KICS2: variants seen among roughly 807,000 people sequenced by gnomAD.
KICS2 encodes KICSTOR subunit 2.
KICS2 carries 13 observed loss-of-function variants against 31.4 expected under a neutral mutation model. That is an observed-to-expected ratio of 0.41 (90% confidence interval 0.27 to 0.66). KICS2 has a LOEUF of 0.66. Among genes scored for constraint, KICS2 ranks in the 30% least tolerant of loss-of-function variants. The pLI, the probability that KICS2 is intolerant of heterozygous loss-of-function variation, is 0.28. For synonymous variants in KICS2, 209 were observed against 214.8 expected (o/e 0.97, Z 0.24); for missense variants, 455 against 545.4 (o/e 0.83, Z 1.65).
downstream of KICS2, chr12:64,186,508 T>G (rs144263074): frequency 3.9e-5 from 6 of 152,226 alleles, no homozygotes; most frequent in Admixed American, 6.5e-5. Flanking sequence ...AAAACTCTAT[T>G]GTACCAACAT....
chr12:64,206,254 C>T lies in KICS2; in HGVS notation c.521+9424G>A, dbSNP rs2037538269. Among the ~76,000 whole-genome samples the T allele has an allele frequency of 2.6e-5, 4 of 152,152 alleles. No homozygotes were observed. The South Asian group carries it at 8.3e-4, about 32-fold the overall frequency. Reference sequence around the variant, plus strand: ...AATTTTTTTTTTCACATGTGCAGAACATGCAGCTTTGGTACATAGGCATAT... The same window carrying T: ...AATTTTTTTTTTCACATGTGCAGAATATGCAGCTTTGGTACATAGGCATAT... On this transcript the variant is annotated intron_variant, in intron 2 of 2. Coordinates refer to ENST00000398055, the MANE Select transcript of KICS2 (RefSeq NM_152440.5).
Position 64,193,615 on chromosome 12 carries a change from C to A in KICS2, c.*227G>T. 1 of 1,355,740 alleles carries A rather than the reference C, an allele frequency of 7.4e-7. No homozygotes were observed. The highest frequency in any genetic ancestry group is 2.0e-5 in the South Asian group (1 of 50,320). 84.0% of individuals were successfully genotyped at this position (1,355,740 alleles called of 1,614,324 possible). On this transcript the variant is annotated 3_prime_UTR_variant, in exon 3 of 3. Coordinates refer to ENST00000398055, the MANE Select transcript of KICS2 (RefSeq NM_152440.5). ...AAAATACTGAAACTACTTTGCTGTACCATGGAGACACATGGTAGCCCATGA... is the reference window on the plus strand; with the variant it reads ...AAAATACTGAAACTACTTTGCTGTAACATGGAGACACATGGTAGCCCATGA...
Position 64,191,792 on chromosome 12 carries a change from A to AAG in KICS2, c.*2049_*2050insCT. Reference sequence around the variant, plus strand: ...GACCATTTTTAAAGAAAAAGAAAGGAGGCCAGGTGCAGTGGCACATGCTTA... The same window carrying AAG: ...GACCATTTTTAAAGAAAAAGAAAGGAAGGGCCAGGTGCAGTGGCACATGCTTA... On this transcript the variant is annotated 3_prime_UTR_variant, in exon 3 of 3. Coordinates refer to ENST00000398055, the MANE Select transcript of KICS2 (RefSeq NM_152440.5). 6.6e-6 allele frequency: 1 copy of AAG among 152,192 alleles called. No individual in the cohort carries two copies. Among genetic ancestry groups the AAG allele is most frequent in the African/African-American group, 2.4e-5 (1 of 41,456 alleles). 9.4% of individuals were successfully genotyped at this position (152,192 alleles called of 1,614,324 possible).
At chr12:64,219,835 C>T (rs1301617156) in intron 1 of KICS2, among the ~76,000 whole-genome samples, 1 of 152,096 alleles carries the variant, frequency 6.6e-6, no homozygotes, top group Non-Finnish European at 1.5e-5. Context: ...TTTAAACGCA[C>T]GCATAAACTT....
Position 64,193,924 on chromosome 12 carries a change from A to C in KICS2, c.1256T>G (p.Phe419Cys), listed in dbSNP as rs1339539751. 1 of 1,614,220 alleles carries C rather than the reference A, an allele frequency of 6.2e-7. No individual in the cohort carries two copies. Among genetic ancestry groups the C allele is most frequent in the Admixed American group, 1.7e-5 (1 of 60,030 alleles). ...ESKKSERDSHFISFLNEVSLA... is the reference protein window; with the variant it reads ...ESKKSERDSHCISFLNEVSLA... ...TGAGACCTCATTGAGGAAGGAAATA[A>C]AGTGGGAGTCTCTCTCAGATTTCTT... The change falls in exon 3 of 3, where the codon TTT becomes TGT. Residue 419 changes from phenylalanine (F) to cysteine (C), a missense_variant. Transcript: ENST00000398055.
chr12:64,187,373 C>T (rs1344582577), downstream of KICS2: 2 of 499,070 alleles, frequency 4.0e-6, no homozygotes, highest in Non-Finnish European at 7.0e-6. Flanking sequence ...GAAGGGGGAA[C>T]CCATTTGCAT....
At chr12:64,204,567 T>G (rs1469005919) in intron 2 of KICS2, among the ~76,000 whole-genome samples, 49 of 152,126 alleles carry the variant, frequency 3.2e-4, no homozygotes, top group Admixed American at 3.1e-3. Context: ...AGGAGGATCA[T>G]TAGGAGCCCA....
chr12:64,220,669 T>C (rs61931254), intron 1 of KICS2, among the ~76,000 whole-genome samples: 8,865 of 152,214 alleles, frequency 0.058, 346 homozygotes, highest in Middle Eastern at 0.088. Flanking sequence ...CACCCCATTT[T>C]CACATATATA....
chr12:64,194,425 G>A lies in KICS2; in HGVS notation c.755C>T (p.Pro252Leu). 1 of 1,614,190 alleles carries A rather than the reference G, an allele frequency of 6.2e-7. No individual in the cohort carries two copies. The highest frequency in any genetic ancestry group is 8.5e-7 in the Non-Finnish European group (1 of 1,180,038). Residue 252 changes from proline to leucine, a missense_variant, in exon 3 of 3, where the codon CCA becomes CTA. Pro to Leu is a moderately conservative substitution (Grantham distance 98, BLOSUM62 -3). Coordinates refer to ENST00000398055, the MANE Select transcript of KICS2 (RefSeq NM_152440.5). ...TTTCATCAGCCAAAGGAAAAGGTGT[G>A]GAGGCTGCACGGCCTTCTGAGACTG... is the stretch of plus-strand genomic sequence containing the variant. ...GGQSQKAVQP[P>L]HLFLWLMKLK...
rs1172271796 is a variant in KICS2 at position 64,192,201 on chromosome 12, TG to T, written c.*1640del. 1 of 151,834 alleles carries T rather than the reference TG, an allele frequency of 6.6e-6. No individual in the cohort carries two copies. The highest frequency in any genetic ancestry group is 2.4e-5 in the African/African-American group (1 of 41,272). 9.4% of individuals were successfully genotyped at this position (151,834 alleles called of 1,614,324 possible). The stretch of plus-strand genomic sequence containing the variant: ...GTGCAGCTGCACAGTCTCAGCTCAC[TG>T]CATCCTCCACCTCCCAGGTTCAAGC... On this transcript the variant is annotated 3_prime_UTR_variant, in exon 3 of 3. Coordinates refer to ENST00000398055, the MANE Select transcript of KICS2 (RefSeq NM_152440.5).
rs1464231139 is a variant in KICS2, at chr12:64,193,283, T to C, written c.*559A>G. Reference sequence around the variant, plus strand: ...CTACCAATCTGACTCACTTTCAGTTTCAATAACTGATAGAAATTTCTTACC... The same window carrying C: ...CTACCAATCTGACTCACTTTCAGTTCCAATAACTGATAGAAATTTCTTACC... On this transcript the variant is annotated 3_prime_UTR_variant, in exon 3 of 3. Coordinates refer to ENST00000398055, the MANE Select transcript of KICS2 (RefSeq NM_152440.5). 3.6e-5 allele frequency: 35 copies of C among 985,808 alleles called. No homozygotes were observed. The highest frequency in any genetic ancestry group is 4.0e-5 in the Non-Finnish European group (33 of 830,320). The allele number at this position is 985,808 out of a possible 1,614,324, so 61.1% of individuals were successfully genotyped here.
At chr12:64,221,957 C>A in intron 1 of KICS2, 46 bp downstream of exon 1, 1 of 1,572,658 alleles carries the variant, frequency 6.4e-7, no homozygotes, top group South Asian at 1.2e-5. Flanking sequence ...GGAATATACC[C>A]CCTTTACTTC....
intron 2 of KICS2, among the ~76,000 whole-genome samples, chr12:64,212,891 A>T (rs1029781334): frequency 3.3e-5 from 5 of 152,140 alleles, no homozygotes; most frequent in African/African-American, 1.2e-4. Context: ...GGAGTTTGAG[A>T]CCAGCCTGGG....
intron 1 of KICS2, 38 bp downstream of exon 1, chr12:64,221,965 T>C: frequency 2.9e-6 from 4 of 1,386,056 alleles, no homozygotes; most frequent in Non-Finnish European, 4.0e-6. Flanking sequence ...CCCCCTTTAC[T>C]TCCTCCTCAA....
At chr12:64,206,888 G>T (rs939138759) in intron 2 of KICS2, among the ~76,000 whole-genome samples, 1 of 152,130 alleles carries the variant, frequency 6.6e-6, no homozygotes, top group Non-Finnish European at 1.5e-5. Context: ...GGGCTGGGAG[G>T]GGGGAAAATG....
At chr12:64,218,128 T>C (rs1250233816) in intron 1 of KICS2, among the ~76,000 whole-genome samples, 1 of 152,204 alleles carries the variant, frequency 6.6e-6, no homozygotes, top group Non-Finnish European at 1.5e-5. Flanking sequence ...GTGACACCAA[T>C]ATCTCATACG....
downstream of KICS2, among the ~76,000 whole-genome samples, chr12:64,188,730 G>T (rs182494470): frequency 3.9e-5 from 6 of 152,162 alleles, 1 homozygote; most frequent in South Asian, 6.2e-4. Context: ...GGGAGAAAAC[G>T]GCTGCTTTAT....
Position 64,193,332 on chromosome 12 carries a change from A to C in KICS2, c.*510T>G, listed in dbSNP as rs1163351601. The C allele has an allele frequency of 8.1e-6, 8 of 985,478 alleles. No homozygotes were observed. The highest frequency in any genetic ancestry group is 9.6e-6 in the Non-Finnish European group (8 of 830,084). 61.0% of individuals were successfully genotyped at this position (985,478 alleles called of 1,614,324 possible). Reference sequence around the variant, plus strand: ...CCAAGACCCTAATTTTGGCATCAAAAATGTTAATTTGTAGATCAGAATCAT... The same window carrying C: ...CCAAGACCCTAATTTTGGCATCAAACATGTTAATTTGTAGATCAGAATCAT... On this transcript the variant is annotated 3_prime_UTR_variant, in exon 3 of 3. Coordinates refer to ENST00000398055, the MANE Select transcript of KICS2 (RefSeq NM_152440.5).
rs1252794283 is a variant in KICS2, at chr12:64,192,940, A to G, written c.*902T>C. On this transcript the variant is annotated 3_prime_UTR_variant, in exon 3 of 3. Transcript: ENST00000398055. ...GAAGACCTTCATTTTGATTTTATAA[A>G]AGTAGGCTATGTTGCATGAGTATCT... 1 of 985,352 alleles carries G rather than the reference A, an allele frequency of 1.0e-6. No homozygotes were observed. The highest frequency in any genetic ancestry group is 1.7e-5 in the African/African-American group (1 of 57,248). 61.0% of individuals were successfully genotyped at this position (985,352 alleles called of 1,614,324 possible). A position where few individuals can be genotyped will look rare whatever the true frequency, so the allele number is the denominator to read the frequency against.
Sources: gnomAD v4.1 joint callset for allele counts (sites outside exome capture counted in the v4.1 genomes callset) on GRCh38, gnomAD v4.1.1 for gene constraint, MANE v1.5 for transcripts, NCBI Gene and HGNC (gene_info 2026-07-23, HGNC 2026-07-21) for gene names.